ZFAT: variants seen among roughly 807,000 people sequenced by gnomAD.
ZFAT encodes zinc finger protein ZFAT.
A neutral mutation model predicts 117.7 loss-of-function variants in ZFAT; 64 were observed. The observed-to-expected ratio is 0.54, with a 90% CI of 0.44 to 0.67. The LOEUF is 0.67. Ranked by LOEUF, ZFAT falls within the 30% of genes least tolerant of loss-of-function variation. The probability of loss-of-function intolerance (pLI) is 0.00; values close to 1 mark genes in which losing one functional copy is unlikely to be tolerated. For synonymous variants in ZFAT, 679 were observed against 615.0 expected (o/e 1.10, Z -1.54); for missense variants, 1,433 against 1,584.5 (o/e 0.90, Z 1.62).
At chr8:134,489,645 G>A (rs771123895) in intron 15 of ZFAT, among the ~76,000 whole-genome samples, 55 of 152,268 alleles carry the variant, frequency 3.6e-4, no homozygotes, top group Non-Finnish European at 6.6e-4. Flanking sequence ...CCCCAGGAGG[G>A]CTCTTCTCTC....
chr8:134,564,949 G>A (rs995433981), intron 11 of ZFAT: 4 of 1,214,754 alleles, frequency 3.3e-6, no homozygotes, highest in African/African-American at 1.6e-5. Flanking sequence ...CTGCTTGCCG[G>A]GTGGGCTTCA....
chr8:134,575,598 G>A (rs1375452857), intron 10 of ZFAT, among the ~76,000 whole-genome samples: 2 of 152,172 alleles, frequency 1.3e-5, no homozygotes, highest in African/African-American at 4.8e-5. Context: ...TTTGTTACAG[G>A]AGTCACGGGG....
intron 1 of ZFAT, among the ~76,000 whole-genome samples, chr8:134,696,184 T>C (rs934975139): frequency 1.3e-5 from 2 of 152,004 alleles, no homozygotes; most frequent in African/African-American, 4.8e-5. Context: ...CCTGGCCCCA[T>C]CTCTAACCAA....
chr8:134,559,813 C>T (rs1823922059), intron 11 of ZFAT, among the ~76,000 whole-genome samples: 1 of 151,988 alleles, frequency 6.6e-6, no homozygotes, highest in Non-Finnish European at 1.5e-5. Flanking sequence ...CAAAGTTATT[C>T]CCTTCTCTGT....
At chr8:134,805,617 A>C in the ZFAT span, among the ~76,000 whole-genome samples, 1 of 152,230 alleles carries the variant, frequency 6.6e-6, no homozygotes, top group Non-Finnish European at 1.5e-5. Context: ...GAAAGGAAAA[A>C]GACTAAGTGA....
At chr8:134,771,788 A>C in the ZFAT span, among the ~76,000 whole-genome samples, 3 of 152,234 alleles carry the variant, frequency 2.0e-5, no homozygotes, top group African/African-American at 7.2e-5. Context: ...TGATAAAGAC[A>C]TACCAGAGAC....
Position 134,556,243 on chromosome 8 carries a change from C to T in ZFAT, c.2976+9090G>A, listed in dbSNP as rs112074603. Among the ~76,000 whole-genome samples, 807 of 152,008 alleles carry T rather than the reference C, an allele frequency of 5.3e-3. 6 individuals are homozygous for T. The highest frequency in any genetic ancestry group is 0.019 in the African/African-American group (776 of 41,462). On this transcript the variant is annotated intron_variant, in intron 11 of 15. Coordinates refer to ENST00000377838, the MANE Select transcript of ZFAT (RefSeq NM_020863.4). The stretch of plus-strand genomic sequence containing the variant: ...TGAAGAAAGGCAAATAGAAATCATA[C>T]AAACTATACAAACTGAAACATAAAA...
chr8:134,638,082 GA>G (rs1830337355), intron 2 of ZFAT, among the ~76,000 whole-genome samples: 1 of 152,080 alleles, frequency 6.6e-6, no homozygotes, highest in African/African-American at 2.4e-5. Context: ...ACTGCTTAGG[GA>G]CTCCTTTGCA....
intron 11 of ZFAT, among the ~76,000 whole-genome samples, chr8:134,538,329 C>A (rs545155366): frequency 1.3e-5 from 2 of 152,230 alleles, no homozygotes; most frequent in Admixed American, 1.3e-4. Flanking sequence ...TCCCCAGTGT[C>A]CACTGGACCT....
intron 1 of ZFAT, among the ~76,000 whole-genome samples, chr8:134,681,474 T>C (rs1833066912): frequency 6.6e-6 from 1 of 152,222 alleles, no homozygotes; most frequent in African/African-American, 2.4e-5. Flanking sequence ...ACTCCATAAG[T>C]GCTAGATGAT....
chr8:134,478,463 A>C lies in ZFAT; in HGVS notation c.*19T>G. 6.5e-7 allele frequency: 1 copy of C among 1,549,988 alleles called. No homozygotes were observed. On this transcript the variant is annotated 3_prime_UTR_variant, in exon 16 of 16. Transcript: ENST00000377838. This position sits in a 1 kb window ranked among gnomAD's most constrained non-coding sequence, Gnocchi z 5.2. ...AGCCTGGCAGCCCCGCCCTGTGGCCATCCGATGCCACATGTCCTCTAGAGT... is the reference window on the plus strand; with the variant it reads ...AGCCTGGCAGCCCCGCCCTGTGGCCCTCCGATGCCACATGTCCTCTAGAGT...
At chr8:134,618,236 G>A (rs778201195) in intron 3 of ZFAT, among the ~76,000 whole-genome samples, 10 of 152,080 alleles carry the variant, frequency 6.6e-5, no homozygotes, top group Non-Finnish European at 1.3e-4. Flanking sequence ...CAGGAAACAC[G>A]AACAGAGAAG....
Position 134,657,318 on chromosome 8 carries a change from T to G in ZFAT, c.196+243A>C, listed in dbSNP as rs190486159. On this transcript the variant is annotated intron_variant, in intron 2 of 15. Transcript: ENST00000377838. ...CACTTGTCTGACAACAAGCTCATGT[T>G]TTTCACACTATTGAATACTGCCACT... Among the ~76,000 whole-genome samples the G allele has an allele frequency of 1.1e-4, 16 of 152,316 alleles. No homozygotes were observed. In the East Asian group the frequency reaches 2.9e-3, roughly 28 times the overall value.
intron 1 of ZFAT, among the ~76,000 whole-genome samples, chr8:134,667,530 T>C (rs1181386253): frequency 7.3e-6 from 1 of 137,338 alleles, no homozygotes; most frequent in Non-Finnish European, 1.6e-5. Flanking sequence ...GACAGGTTGA[T>C]AGGTGCAGCA....
chr8:134,495,493 C>A (rs1241700968), intron 15 of ZFAT, among the ~76,000 whole-genome samples: 1 of 152,146 alleles, frequency 6.6e-6, no homozygotes, highest in Non-Finnish European at 1.5e-5. Flanking sequence ...TCATGCCTCC[C>A]CCAGGGCCTC....
At position 134,482,875 on chromosome 8, in the gene ZFAT, G is replaced by A. The variant is rs190821634; in HGVS notation, c.3493-4154C>T. Among the ~76,000 whole-genome samples, 96 of 152,344 alleles carry A rather than the reference G, an allele frequency of 6.3e-4. 1 individual carries two copies. The East Asian group carries it at 0.017, about 26-fold the overall frequency. On this transcript the variant is annotated intron_variant, in intron 15 of 15. Transcript: ENST00000377838. ...TCGTGTTACTGAGCGTCCAAGACACGCAGGGTTCCTGAAGGTCCCCTGCAG... is the reference window on the plus strand; with the variant it reads ...TCGTGTTACTGAGCGTCCAAGACACACAGGGTTCCTGAAGGTCCCCTGCAG...
At position 134,613,638 on chromosome 8, in the gene ZFAT, C is replaced by G. The variant is rs116094193; in HGVS notation, c.449-2983G>C. ...TACCCGTCCCTCCTGGAGTGTGATG[C>G]CACCTCCCACTCCAGGAACTTGGAA... On this transcript the variant is annotated intron_variant, in intron 3 of 15. Transcript: ENST00000377838. Among the ~76,000 whole-genome samples, 920 of 152,268 alleles carry G rather than the reference C, an allele frequency of 6.0e-3. 6 individuals carry two copies. Among genetic ancestry groups the G allele is most frequent in the African/African-American group, 0.02 (850 of 41,536 alleles).
chr8:134,746,416 T>C, the ZFAT span, among the ~76,000 whole-genome samples: 2 of 152,240 alleles, frequency 1.3e-5, no homozygotes, highest in African/African-American at 4.8e-5. Context: ...CCACCTGATA[T>C]GGATACTATG....
the ZFAT span, among the ~76,000 whole-genome samples, chr8:134,810,595 C>G: frequency 1.3e-5 from 2 of 152,276 alleles, no homozygotes; most frequent in East Asian, 3.9e-4. Flanking sequence ...TCCTTCAAAT[C>G]CTTGTCCTTC....
Sources: allele counts gnomAD v4.1 joint callset (sites outside exome capture counted in the v4.1 genomes callset), GRCh38; gene constraint gnomAD v4.1.1; non-coding constraint Gnocchi (gnomAD v3.1); transcripts MANE v1.5; gene names NCBI Gene and HGNC (gene_info 2026-07-23, HGNC 2026-07-21).